Variants in PTPRN2 observed in about 807,000 individuals in gnomAD.
The protein encoded by PTPRN2 is receptor-type tyrosine-protein phosphatase N2.
Under a neutral mutation model 118.8 loss-of-function variants are expected in PTPRN2, and 74 were observed. That is an observed-to-expected ratio of 0.62 (90% CI 0.52 to 0.76). The LOEUF (loss-of-function observed/expected upper bound fraction) is 0.76. PTPRN2 is among the 30% of genes least tolerant of loss of function. The probability of loss-of-function intolerance (pLI) is 0.00; values close to 1 mark genes in which losing one functional copy is unlikely to be tolerated. For missense variants in PTPRN2, 1,481 were observed against 1,394.4 expected (o/e 1.06, Z -0.99); for synonymous variants, 641 against 608.0 (o/e 1.05, Z -0.80).
At chr7:158,341,619 T>G (rs1200918262) in intron 2 of PTPRN2, among the ~76,000 whole-genome samples, 1 of 77,404 alleles carries the variant, frequency 1.3e-5, no homozygotes. Context: ...ACCCACACTC[T>G]CACCATAAGA....
chr7:158,560,629 C>T (rs1239490366), intron 1 of PTPRN2, among the ~76,000 whole-genome samples: 1 of 152,270 alleles, frequency 6.6e-6, no homozygotes, highest in African/African-American at 2.4e-5. Flanking sequence ...GGCAGTCTCA[C>T]AAGGCAGGTG....
chr7:158,140,279 C>T (rs748831140), intron 6 of PTPRN2, among the ~76,000 whole-genome samples: 27 of 152,168 alleles, frequency 1.8e-4, no homozygotes, highest in African/African-American at 2.7e-4. Context: ...GTTTCAAAGG[C>T]GCCAGGGCGT....
chr7:157,878,695 A>G lies in PTPRN2; in HGVS notation c.1788+19978T>C, dbSNP rs191033865. ...GGGCTGGAAGGGTCAGTGTGATACC[A>G]TGCACCCACACTTACTCACTGAGGA... On this transcript the variant is annotated intron_variant, in intron 12 of 22. Transcript: ENST00000389418. Among the ~76,000 whole-genome samples, 470 of 100,174 alleles carry G rather than the reference A, an allele frequency of 4.7e-3. 12 individuals are homozygous for G. Among genetic ancestry groups the G allele is most frequent in the African/African-American group, 0.017 (395 of 23,756 alleles). 65.7% of individuals were successfully genotyped at this position (100,174 alleles called of 152,430 possible).
intron 11 of PTPRN2, among the ~76,000 whole-genome samples, chr7:157,966,603 CCAT>C (rs1448295069): frequency 1.3e-5 from 2 of 149,814 alleles, no homozygotes; most frequent in African/African-American, 4.9e-5. Flanking sequence ...ACTACTATCA[CCAT>C]CACCATCATC....
intron 11 of PTPRN2, among the ~76,000 whole-genome samples, chr7:157,978,711 C>G (rs1001644162): frequency 2.6e-5 from 4 of 151,978 alleles, no homozygotes; most frequent in Admixed American, 2.0e-4. Context: ...TCAGCTCCCC[C>G]ACTTCCCTCT....
At chr7:158,134,161 T>A (rs1400417871) in intron 8 of PTPRN2, 102 bp from the exon 9 acceptor site, 1 of 1,339,680 alleles carries the variant, frequency 7.5e-7, no homozygotes, top group East Asian at 2.3e-5. Flanking sequence ...GGGGATGACA[T>A]GGGCAGCCTG....
intron 11 of PTPRN2, among the ~76,000 whole-genome samples, chr7:158,067,435 C>A (rs1810856593): frequency 6.6e-6 from 1 of 152,138 alleles, no homozygotes; most frequent in African/African-American, 2.4e-5. Context: ...CCATTGAGGT[C>A]CCTGGGGGCT....
intron 2 of PTPRN2, among the ~76,000 whole-genome samples, chr7:158,398,043 G>T (rs537707826): frequency 2.0e-5 from 3 of 152,308 alleles, no homozygotes; most frequent in East Asian, 1.9e-4. Flanking sequence ...GGGAAAATTT[G>T]CAGACTCGAA....
chr7:158,101,940 T>G (rs1815260004), intron 10 of PTPRN2, among the ~76,000 whole-genome samples: 2 of 152,162 alleles, frequency 1.3e-5, no homozygotes, highest in Non-Finnish European at 2.9e-5. Context: ...TCTCTGCCCG[T>G]CACTACGCCA....
At chr7:158,271,335 A>G (rs1798503986) in intron 3 of PTPRN2, among the ~76,000 whole-genome samples, 2 of 152,238 alleles carry the variant, frequency 1.3e-5, no homozygotes, top group African/African-American at 4.8e-5. Flanking sequence ...TTAACTGAAT[A>G]TCCGACAATC....
chr7:158,369,797 G>T (rs1377471140), intron 2 of PTPRN2, among the ~76,000 whole-genome samples: 1 of 152,144 alleles, frequency 6.6e-6, no homozygotes, highest in Non-Finnish European at 1.5e-5. Flanking sequence ...AATTACAGTT[G>T]GAAACCCATG....
At chr7:157,905,913 C>CTGAAACCAGAAA (rs1313601400) in intron 11 of PTPRN2, among the ~76,000 whole-genome samples, 1 of 152,148 alleles carries the variant, frequency 6.6e-6, no homozygotes, top group Non-Finnish European at 1.5e-5. Context: ...TGGTTTCTGG[C>CTGAAACCAGAAA]CGAGCTGAAA....
intron 9 of PTPRN2, among the ~76,000 whole-genome samples, chr7:158,116,206 T>A (rs1427746707): frequency 6.6e-6 from 1 of 152,222 alleles, no homozygotes. Context: ...ATTTTAAAAA[T>A]CATTAAAATG....
At chr7:158,359,492 A>G (rs892248909) in intron 2 of PTPRN2, among the ~76,000 whole-genome samples, 1 of 152,308 alleles carries the variant, frequency 6.6e-6, no homozygotes, top group African/African-American at 2.4e-5. Context: ...CTCCCAGGTC[A>G]ACACGAAGGC....
intron 11 of PTPRN2, among the ~76,000 whole-genome samples, chr7:157,942,245 T>G (rs1800193278): frequency 6.7e-6 from 1 of 149,996 alleles, no homozygotes; most frequent in Non-Finnish European, 1.5e-5. Context: ...GGCACGCCTT[T>G]CCAGAGGAGG....
At chr7:158,064,080 T>C (rs1810568283) in intron 11 of PTPRN2, among the ~76,000 whole-genome samples, 1 of 152,146 alleles carries the variant, frequency 6.6e-6, no homozygotes, top group South Asian at 2.1e-4. Context: ...CTCAGCAGAA[T>C]GTGGCCATGC....
At chr7:158,393,019 C>A (rs1376096626) in intron 2 of PTPRN2, among the ~76,000 whole-genome samples, 4 of 152,180 alleles carry the variant, frequency 2.6e-5, no homozygotes, top group Non-Finnish European at 4.4e-5. Flanking sequence ...AAGGGCTGCA[C>A]AGGCCCAGCT....
At chr7:158,110,380 C>T (rs940538724) in intron 10 of PTPRN2, among the ~76,000 whole-genome samples, 1 of 152,224 alleles carries the variant, frequency 6.6e-6, no homozygotes, top group African/African-American at 2.4e-5. Flanking sequence ...ATGGCCATGC[C>T]TGCCATGGAA....
At chr7:158,553,462 G>A (rs901282320) in intron 1 of PTPRN2, among the ~76,000 whole-genome samples, 5 of 150,834 alleles carry the variant, frequency 3.3e-5, no homozygotes, top group African/African-American at 1.2e-4. Flanking sequence ...ACACACACAG[G>A]CTTGGGAGTC....
Sources: gnomAD v4.1 joint callset for allele counts (sites outside exome capture counted in the v4.1 genomes callset) on GRCh38, gnomAD v4.1.1 for gene constraint, MANE v1.5 for transcripts, NCBI Gene and HGNC (gene_info 2026-07-23, HGNC 2026-07-21) for gene names.